Variants in NCOA4 observed in about 807,000 individuals in gnomAD.
The protein encoded by NCOA4 is 70 kDa AR-activator.
In NCOA4, 31 loss-of-function variants were observed where a neutral mutation model predicts 69.5. The ratio of observed to expected loss-of-function variants is 0.45; its 90% CI spans 0.34 to 0.60. The LOEUF (loss-of-function observed/expected upper bound fraction) is 0.60, where lower values mean the gene tolerates loss of function less well. Among genes scored for constraint, NCOA4 ranks in the 20% least tolerant of loss-of-function variants. The pLI is 0.02. For missense variants in NCOA4, 600 were observed against 719.2 expected, an observed-to-expected ratio of 0.83 and a Z score of 1.90; for synonymous variants, 228 against 252.4, an observed-to-expected ratio of 0.90 and a Z score of 0.92.
At chr10:46,018,932 G>A (rs1839716743) in intron 1 of NCOA4, among the ~76,000 whole-genome samples, 1 of 152,118 alleles carries the variant, frequency 6.6e-6, no homozygotes. Flanking sequence ...ACTGAAAGCT[G>A]GCTAGAGACA....
intron 7 of NCOA4, 111 bp downstream of exon 7, chr10:46,012,772 T>A: frequency 9.5e-7 from 1 of 1,049,128 alleles, no homozygotes; most frequent in Non-Finnish European, 1.3e-6. Flanking sequence ...TTAATAAATA[T>A]GTTTCCAGAC....
intron 1 of NCOA4, among the ~76,000 whole-genome samples, chr10:46,023,616 C>T (rs1184998851): frequency 7.9e-5 from 12 of 152,248 alleles, no homozygotes; most frequent in African/African-American, 2.9e-4. Context: ...GCCTGCTGCC[C>T]CCGCCCGGCC....
rs142542452 is a variant in NCOA4 at position 46,024,804 on chromosome 10, A to C, written c.-15+5722T>G. 3.5e-3 allele frequency among the ~76,000 whole-genome samples: 540 copies of C among 152,252 alleles called. 2 individuals are homozygous for C. The highest frequency in any genetic ancestry group is 0.013 in the African/African-American group (520 of 41,534). ...TCTATGCTGTCTCAAAACAACAACC[A>C]ACCATCCCAAGTAGATCATCTCATC... On this transcript the variant is annotated intron_variant, in intron 1 of 9. Transcript: ENST00000581486.
At chr10:46,029,758 C>T (rs1285025249) in intron 1 of NCOA4, among the ~76,000 whole-genome samples, 4 of 152,146 alleles carry the variant, frequency 2.6e-5, no homozygotes, top group African/African-American at 9.7e-5. Flanking sequence ...TGTTAAATCC[C>T]GTGCCACGTA....
chr10:46,017,163 C>T (rs1421506428), intron 1 of NCOA4, among the ~76,000 whole-genome samples: 2 of 151,918 alleles, frequency 1.3e-5, no homozygotes, highest in African/African-American at 2.4e-5. Flanking sequence ...GTTTAGAAGA[C>T]GGAATTTTTA....
chr10:46,011,242 C>T lies in NCOA4; in HGVS notation c.715-36G>A, dbSNP rs527393355. The T allele has an allele frequency of 1.3e-4, 205 of 1,535,196 alleles. 1 individual carries two copies. The Admixed American group carries it at 4.3e-3, about 32-fold the overall frequency. On this transcript the variant is annotated intron_variant, in intron 7 of 9. Coordinates refer to ENST00000581486, the MANE Select transcript of NCOA4 (RefSeq NM_001145263.2). The stretch of plus-strand genomic sequence containing the variant: ...AGTACACAGTATTAGTTTGCCAGAA[C>T]AATTATGACTGCTTTGGAGATTCTG...
At position 46,011,108 on chromosome 10, in the gene NCOA4, C is replaced by T. The variant is rs200330530; in HGVS notation, c.813G>A (p.Lys271=). 11 of 1,613,858 alleles carry T rather than the reference C, an allele frequency of 6.8e-6. No homozygotes were observed. ...LLKSEKSSYQ[K]CNSHSTTSSF... ...AACTAGTAGTGGAATGGCTGTTACACTTTTGATAACTTGATTTTTCACTCT... is the reference window on the plus strand; with the variant it reads ...AACTAGTAGTGGAATGGCTGTTACATTTTTGATAACTTGATTTTTCACTCT... The change falls in exon 8 of 10, where the codon AAG becomes AAA. Residue 271 remains lysine, a synonymous_variant. Transcript: ENST00000581486.
intron 5 of NCOA4, 46 bp from the exon 6 acceptor site, chr10:46,013,685 C>CA (rs1437035675): frequency 1.5e-6 from 2 of 1,348,108 alleles, no homozygotes; most frequent in Non-Finnish European, 2.1e-6. Flanking sequence ...GCTATGCTGC[C>CA]AAAAAAGTGA....
chr10:46,028,443 T>C (rs948364738), intron 1 of NCOA4, among the ~76,000 whole-genome samples: 13 of 151,974 alleles, frequency 8.6e-5, no homozygotes, highest in African/African-American at 2.9e-4. Flanking sequence ...ATTCAGTAAG[T>C]ATTTACATCT....
intron 9 of NCOA4, among the ~76,000 whole-genome samples, chr10:46,007,794 G>GC (rs1838935278): frequency 6.6e-6 from 1 of 151,838 alleles, no homozygotes; most frequent in Non-Finnish European, 1.5e-5. Flanking sequence ...TCTGTATGTT[G>GC]CCCAGGCTGG....
chr10:46,010,326 C>T lies in NCOA4; in HGVS notation c.1595G>A (p.Cys532Tyr). The change falls in exon 8 of 10, where the codon TGT (cysteine) becomes TAT (tyrosine). Residue 532 changes from cysteine to tyrosine, a missense_variant. Transcript: ENST00000581486. The part of the protein sequence containing the change: ...KFKSPMNTSW[C>Y]SFNTADWVLP... ...GACCCAGTCAGCTGTGTTAAAGGAA[C>T]ACCAGGAAGTATTCATGGGGCTTTT... 6.2e-7 allele frequency: 1 copy of T among 1,614,170 alleles called. No homozygotes were observed. The highest frequency in any genetic ancestry group is 8.5e-7 in the Non-Finnish European group (1 of 1,180,018).
chr10:46,022,788 C>A (rs1839962994), intron 1 of NCOA4, among the ~76,000 whole-genome samples: 1 of 152,104 alleles, frequency 6.6e-6, no homozygotes, highest in African/African-American at 2.4e-5. Flanking sequence ...TTATACAACT[C>A]ATTAACTCAA....
At chr10:46,025,944 G>A (rs185870963) in intron 1 of NCOA4, among the ~76,000 whole-genome samples, 9 of 152,218 alleles carry the variant, frequency 5.9e-5, no homozygotes, top group Admixed American at 2.0e-4. Flanking sequence ...ATTACCAACC[G>A]TTCACATTCT....
chr10:46,013,145 G>T, intron 6 of NCOA4, 119 bp from the exon 7 acceptor site: 2 of 863,808 alleles, frequency 2.3e-6, no homozygotes, highest in Non-Finnish European at 3.6e-6. Flanking sequence ...CCTTCCAAGA[G>T]CCTCAATTTT....
chr10:46,016,748 C>T, intron 1 of NCOA4, 54 bp from the exon 2 acceptor site: 13 of 1,244,674 alleles, frequency 1.0e-5, no homozygotes, highest in Non-Finnish European at 1.4e-5. Context: ...CCAAAAACCA[C>T]CTTTGAATCA....
rs1554921277 is a variant in NCOA4, at chr10:46,010,913, A to G, written c.1008T>C (p.Asn336=). The change falls in exon 8 of 10, where the codon AAT becomes AAC. Residue 336 remains asparagine (N), a synonymous_variant. Transcript: ENST00000581486. The part of the protein sequence containing the change: ...EKFKLLFQSY[N]VNDWLVKTDS... ...CAGTCTTGACAAGCCAATCATTCAC[A>G]TTATAGGACTGGAATAAGAGCTTAA... 1 of 1,613,938 alleles carries G rather than the reference A, an allele frequency of 6.2e-7. No homozygotes were observed. Among genetic ancestry groups the G allele is most frequent in the African/African-American group, 1.3e-5 (1 of 75,042 alleles).
intron 1 of NCOA4, among the ~76,000 whole-genome samples, chr10:46,024,214 A>C (rs1206522659): frequency 3.9e-5 from 6 of 152,240 alleles, no homozygotes; most frequent in Non-Finnish European, 7.3e-5. Flanking sequence ...ACATTTCGTA[A>C]AGACACAAAA....
At chr10:46,022,456 G>A (rs538015186) in intron 1 of NCOA4, 1 of 464,938 alleles carries the variant, frequency 2.2e-6, no homozygotes, top group African/African-American at 2.0e-5. Context: ...TTTTTTTAAA[G>A]GTTGGTTTTG....
In NCOA4 at chr10:46,006,237, C is replaced by T. The variant is rs1354910770; in HGVS notation, c.*355G>A. ...ACTAGCTTTAGAATACATCAATATACTTCGATAAACAAGAGTGTTTTAATG... is the reference window on the plus strand; with the variant it reads ...ACTAGCTTTAGAATACATCAATATATTTCGATAAACAAGAGTGTTTTAATG... On this transcript the variant is annotated 3_prime_UTR_variant, in exon 10 of 10. Transcript: ENST00000581486. 3 of 324,352 alleles carry T rather than the reference C, an allele frequency of 9.2e-6. No homozygotes were observed. Among genetic ancestry groups the T allele is most frequent in the Non-Finnish European group, 1.7e-5 (3 of 171,984 alleles). The allele number at this position is 324,352 out of a possible 1,614,324, so 20.1% of individuals were successfully genotyped here.
Sources: gnomAD v4.1 joint callset for allele counts (sites outside exome capture counted in the v4.1 genomes callset) on GRCh38, gnomAD v4.1.1 for gene constraint, MANE v1.5 for transcripts, NCBI Gene and HGNC (gene_info 2026-07-23, HGNC 2026-07-21) for gene names.